LRP1B: variants seen among roughly 807,000 people sequenced by gnomAD.
LRP1B encodes the protein LDL receptor related protein 1B.
A neutral mutation model predicts 556.6 loss-of-function variants in LRP1B; 217 were observed. The observed-to-expected ratio is 0.39, with a 90% CI of 0.35 to 0.44. The LOEUF (loss-of-function observed/expected upper bound fraction) is 0.44, where lower values mean the gene tolerates loss of function less well. Ranked by LOEUF, LRP1B falls within the 20% of genes least tolerant of loss-of-function variation. LRP1B has a pLI of 1.00. For missense variants in LRP1B, 5,053 were observed against 5,620.8 expected, an observed-to-expected ratio of 0.90 and a Z score of 3.23; for synonymous variants, 2,047 against 1,865.8, an observed-to-expected ratio of 1.10 and a Z score of -2.50.
At chr2:141,415,615 G>A (rs1691069225) in intron 3 of LRP1B, among the ~76,000 whole-genome samples, 1 of 152,120 alleles carries the variant, frequency 6.6e-6, no homozygotes, top group South Asian at 2.1e-4. Context: ...TACTCCACTT[G>A]CTTAGAGAAG....
chr2:141,860,248 C>T (rs1423217603), intron 1 of LRP1B, among the ~76,000 whole-genome samples: 5 of 152,076 alleles, frequency 3.3e-5, no homozygotes, highest in African/African-American at 1.2e-4. Flanking sequence ...TAATTGTGCA[C>T]CAAATGTTAG....
At chr2:141,387,848 G>T (rs1689887728) in intron 3 of LRP1B, among the ~76,000 whole-genome samples, 1 of 152,042 alleles carries the variant, frequency 6.6e-6, no homozygotes, top group African/African-American at 2.4e-5. Flanking sequence ...GGAAGAAACT[G>T]CAAGAAAAGA....
At chr2:141,936,740 C>T (rs933248696) in intron 1 of LRP1B, among the ~76,000 whole-genome samples, 5 of 152,082 alleles carry the variant, frequency 3.3e-5, no homozygotes, top group African/African-American at 4.8e-5. Flanking sequence ...TTTCATCATT[C>T]GTAGGATTCC....
At chr2:140,303,280 C>G (rs1387215005) in intron 83 of LRP1B, among the ~76,000 whole-genome samples, 1 of 151,904 alleles carries the variant, frequency 6.6e-6, no homozygotes. Context: ...TGGGGTCTCA[C>G]TCTGTTGCCC....
chr2:141,182,690 T>G (rs771804165), intron 7 of LRP1B, among the ~76,000 whole-genome samples: 2 of 151,896 alleles, frequency 1.3e-5, no homozygotes, highest in Non-Finnish European at 2.9e-5. Context: ...ACAAGAAAAT[T>G]TGGAGGGAAA....
intron 41 of LRP1B, among the ~76,000 whole-genome samples, chr2:140,693,631 A>G (rs1046200041): frequency 6.6e-6 from 1 of 151,462 alleles, no homozygotes; most frequent in African/African-American, 2.4e-5. Flanking sequence ...AAAATTTTCT[A>G]TGTTAATGTT....
intron 2 of LRP1B, among the ~76,000 whole-genome samples, chr2:141,573,633 TC>T (rs1376346707): frequency 2.3e-5 from 2 of 87,568 alleles, no homozygotes; most frequent in Non-Finnish European, 2.2e-5. Context: ...CGAAAAACCC[TC>T]CAAAAAAAAA....
intron 2 of LRP1B, among the ~76,000 whole-genome samples, chr2:141,609,564 A>G (rs556566080): frequency 6.6e-6 from 1 of 152,308 alleles, no homozygotes; most frequent in African/African-American, 2.4e-5. Context: ...ACTTAATTGT[A>G]TGCTTATATT....
At chr2:140,337,965 A>T (rs1231194694) in intron 77 of LRP1B, among the ~76,000 whole-genome samples, 1 of 151,748 alleles carries the variant, frequency 6.6e-6, no homozygotes. Context: ...ATTTAGTGAT[A>T]CTTTTTCAAG....
intron 1 of LRP1B, among the ~76,000 whole-genome samples, chr2:142,074,900 T>C (rs929745905): frequency 1.3e-5 from 2 of 152,226 alleles, no homozygotes; most frequent in East Asian, 1.9e-4. Context: ...CCACATACTG[T>C]GTTATACACT....
At chr2:141,829,895 G>A (rs1697057466) in intron 1 of LRP1B, among the ~76,000 whole-genome samples, 1 of 151,850 alleles carries the variant, frequency 6.6e-6, no homozygotes, top group South Asian at 2.1e-4. Context: ...ATTTTCTGTA[G>A]CTTCAAAGAT....
intron 1 of LRP1B, among the ~76,000 whole-genome samples, chr2:141,856,342 G>C (rs910804631): frequency 2.0e-5 from 3 of 152,080 alleles, no homozygotes; most frequent in Admixed American, 1.3e-4. Context: ...GATCTCAAAA[G>C]GATCATCTAA....
At chr2:141,919,662 A>C (rs548056571) in intron 1 of LRP1B, among the ~76,000 whole-genome samples, 1 of 152,090 alleles carries the variant, frequency 6.6e-6, no homozygotes, top group African/African-American at 2.4e-5. Context: ...TTAATTAGGC[A>C]TGACAGCATT....
At chr2:140,924,756 C>T (rs890388422) in intron 20 of LRP1B, among the ~76,000 whole-genome samples, 1 of 152,208 alleles carries the variant, frequency 6.6e-6, no homozygotes, top group African/African-American at 2.4e-5. Flanking sequence ...TTCATTCTCA[C>T]TTTGAACATA....
At chr2:141,595,107 T>C (rs1687472011) in intron 2 of LRP1B, among the ~76,000 whole-genome samples, 1 of 152,104 alleles carries the variant, frequency 6.6e-6, no homozygotes, top group Non-Finnish European at 1.5e-5. Context: ...AAGGAACATA[T>C]ATTTACCTAT....
intron 1 of LRP1B, among the ~76,000 whole-genome samples, chr2:142,045,380 G>T (rs559774242): frequency 6.6e-6 from 1 of 151,674 alleles, no homozygotes; most frequent in Non-Finnish European, 1.5e-5. Context: ...TTCAAGGAAC[G>T]TTCTCATACC....
At chr2:141,512,815 T>C (rs1684177842) in intron 2 of LRP1B, among the ~76,000 whole-genome samples, 2 of 151,878 alleles carry the variant, frequency 1.3e-5, no homozygotes, top group African/African-American at 4.8e-5. Context: ...CAAGGACAGA[T>C]CAAAAGTAGA....
At chr2:140,853,075 C>T (rs1692509719) in intron 27 of LRP1B, among the ~76,000 whole-genome samples, 2 of 151,928 alleles carry the variant, frequency 1.3e-5, no homozygotes, top group Non-Finnish European at 2.9e-5. Flanking sequence ...CACCTTTGCC[C>T]ATTAGAAAAT....
intron 66 of LRP1B, among the ~76,000 whole-genome samples, chr2:140,393,340 TATTG>T (rs34512458): frequency 0.087 from 13,243 of 152,164 alleles, 675 homozygotes; most frequent in Middle Eastern, 0.14. Context: ...ATTGTTTCAC[TATTG>T]ATTAATGTTT....
Sources: allele counts gnomAD v4.1 joint callset (sites outside exome capture counted in the v4.1 genomes callset), GRCh38; gene constraint gnomAD v4.1.1; transcripts MANE v1.5; gene names NCBI Gene and HGNC (gene_info 2026-07-23, HGNC 2026-07-21).